The following RUFY4 variants were observed in gnomAD, a reference collection of about 807,000 sequenced individuals.
RUFY4 encodes RUN and FYVE domain-containing protein 4.
Under a neutral mutation model 69.0 loss-of-function variants are expected in RUFY4, and 73 were observed. That is an observed-to-expected ratio of 1.06 (90% CI 0.88 to 1.29). The LOEUF (loss-of-function observed/expected upper bound fraction) is 1.29. Among genes scored for constraint, RUFY4 ranks in the 50% most tolerant of loss-of-function variants. The pLI, the probability that RUFY4 is intolerant of heterozygous loss-of-function variation, is 0.00. For synonymous variants in RUFY4, 287 were observed against 271.8 expected (o/e 1.06, Z -0.55); for missense variants, 770 against 705.6 (o/e 1.09, Z -1.03).
rs566668060 is a variant in RUFY4 at position 218,038,151 on chromosome 2, TC to T, written c.-1158+2758del. On this transcript the variant is annotated intron_variant and NMD_transcript_variant, in intron 2 of 13. Transcript: ENST00000457754. ...GTCCAATGGTATGATCTTAAAGTTA[TC>T]AAAAACCTTTCCATGAAAGTTATCA... Among the ~76,000 whole-genome samples, 525 of 152,240 alleles carry T rather than the reference TC, an allele frequency of 3.4e-3. 1 individual carries two copies. Among genetic ancestry groups the T allele is most frequent in the African/African-American group, 0.012 (491 of 41,532 alleles).
At chr2:218,071,742 T>G (rs1263960508) in intron 2 of RUFY4, among the ~76,000 whole-genome samples, 4 of 152,196 alleles carry the variant, frequency 2.6e-5, no homozygotes, top group Non-Finnish European at 5.9e-5. Flanking sequence ...TTTGTTGTCT[T>G]AACTCCTTTA....
At chr2:218,068,392 G>A (rs1275876081), upstream of RUFY4, among the ~76,000 whole-genome samples, 1 of 152,008 alleles carries the variant, frequency 6.6e-6, no homozygotes, top group African/African-American at 2.4e-5. Flanking sequence ...GAAAGGGAAG[G>A]AATGAGGGAA....
chr2:218,090,649 C>T (rs1690011572), downstream of RUFY4: 1 of 153,542 alleles, frequency 6.5e-6, no homozygotes, highest in Non-Finnish European at 1.4e-5. Context: ...CTATCCACCC[C>T]AAAGTTTCCT....
chr2:218,064,812 C>A (rs1170474953), upstream of RUFY4, among the ~76,000 whole-genome samples: 3 of 152,128 alleles, frequency 2.0e-5, no homozygotes, highest in Non-Finnish European at 4.4e-5. Flanking sequence ...CATCCCACAA[C>A]CGCCTGCCTG....
At chr2:218,038,645 ATCTGACTCCCAGTGGC>A (rs1374763049) in intron 2 of RUFY4, among the ~76,000 whole-genome samples, 1 of 152,218 alleles carries the variant, frequency 6.6e-6, no homozygotes, top group Non-Finnish European at 1.5e-5. Flanking sequence ...AGTAACAAAA[ATCTGACTCCCAGTGGC>A]TTAAAAACAT....
At chr2:218,077,963 C>G (rs1228378598) in intron 8 of RUFY4, among the ~76,000 whole-genome samples, 3 of 152,180 alleles carry the variant, frequency 2.0e-5, no homozygotes, top group South Asian at 2.1e-4. Flanking sequence ...CCTGGCTGCT[C>G]CTTTTACTGG....
At position 218,052,177 on chromosome 2, in the gene RUFY4, T is replaced by G. The variant is rs747423820; in HGVS notation, c.-1157-6418T>G. ...AAGTGGTGACTGTCCCCTTCAACAT[T>G]TGTCAGTTCCTGTAGCTTTTTCTTT... On this transcript the variant is annotated intron_variant and NMD_transcript_variant, in intron 2 of 13. Coordinates refer to the RUFY4 transcript ENST00000457754. 9.4e-4 allele frequency among the ~76,000 whole-genome samples: 143 copies of G among 152,320 alleles called. 1 individual carries two copies. Among genetic ancestry groups the G allele is most frequent in the Non-Finnish European group, 3.4e-4 (23 of 68,034 alleles).
At position 218,058,415 on chromosome 2, in the gene RUFY4, C is replaced by T. The variant is rs114518141; in HGVS notation, c.-1157-180C>T. On this transcript the variant is annotated intron_variant and NMD_transcript_variant, in intron 2 of 13. Transcript: ENST00000457754. ...GGAAAGAAGGCATTATCAGTGCCTT[C>T]AAAAGCCCCAATGTGTTTCTCCCTT... is the stretch of plus-strand genomic sequence containing the variant. Among the ~76,000 whole-genome samples, 1,199 of 152,332 alleles carry T rather than the reference C, an allele frequency of 7.9e-3. 16 individuals carry two copies. Among genetic ancestry groups the T allele is most frequent in the African/African-American group, 0.027 (1,122 of 41,576 alleles).
At position 218,086,884 on chromosome 2, in the gene RUFY4, G is replaced by T. The variant is rs531387669; in HGVS notation, c.1503-2368G>T. Among the ~76,000 whole-genome samples, 5 of 152,140 alleles carry T rather than the reference G, an allele frequency of 3.3e-5. No homozygotes were observed. In the South Asian group the frequency reaches 1.0e-3, roughly 32 times the overall value. ...TCTGGAGAGAAAGGGAATCAAGAGAGCACCTGAAATGATGAAAAATTGGGA... is the reference window on the plus strand; with the variant it reads ...TCTGGAGAGAAAGGGAATCAAGAGATCACCTGAAATGATGAAAAATTGGGA... On this transcript the variant is annotated intron_variant, in intron 9 of 10. Transcript: ENST00000344321.
rs770353529 is a variant in RUFY4 at position 218,075,331 on chromosome 2, G to C, written c.839G>C (p.Arg280Thr). 1.8e-5 allele frequency: 29 copies of C among 1,610,816 alleles called. No homozygotes were observed. The Admixed American group carries it at 4.7e-4, about 26-fold the overall frequency. Residue 280 changes from arginine to threonine, a missense_variant, in exon 7 of 11, where the codon AGA (arginine) becomes ACA (threonine). Physicochemically the swap from Arg to Thr is moderately conservative, Grantham distance 71. Transcript: ENST00000344321. ...GAGCTTCAGCTAGACCAGGAGGAAA[G>C]AGCCCCATGGATTGAGATCTTCCTG...
chr2:218,089,740 T>C, intron 10 of RUFY4: 1 of 704,442 alleles, frequency 1.4e-6, no homozygotes, highest in South Asian at 1.5e-5. Context: ...GAAGCTGCCA[T>C]GTGGAGGTGG....
intron 9 of RUFY4, among the ~76,000 whole-genome samples, chr2:218,084,468 G>A (rs1689844908): frequency 6.6e-6 from 1 of 152,158 alleles, no homozygotes; most frequent in Non-Finnish European, 1.5e-5. Context: ...CTGACCACAA[G>A]CAATCCACCC....
chr2:218,060,658 G>T, intron 3 of RUFY4: 1 of 1,343,722 alleles, frequency 7.4e-7, no homozygotes, highest in Non-Finnish European at 1.1e-6. Context: ...GAGGACAACA[G>T]CAAAGATGAC....
rs749996206 is a variant in RUFY4, at chr2:218,060,478, G to A, written c.-1071+1797G>A. 7.5e-6 allele frequency: 10 copies of A among 1,340,488 alleles called. No homozygotes were observed. In the African/African-American group the frequency reaches 1.1e-4, roughly 15 times the overall value. The allele number at this position is 1,340,488 out of a possible 1,614,324, so 83.0% of individuals were successfully genotyped here. On this transcript the variant is annotated intron_variant and NMD_transcript_variant, in intron 3 of 13. Coordinates refer to the RUFY4 transcript ENST00000457754. The stretch of plus-strand genomic sequence containing the variant: ...ATGGCAAAACTTCTGGCCAATGAAG[G>A]CGTAGATGAGGGGATTGAGGTAGCT...
At chr2:218,056,420 C>G (rs1485052321) in intron 2 of RUFY4, among the ~76,000 whole-genome samples, 1 of 151,898 alleles carries the variant, frequency 6.6e-6, no homozygotes, top group Non-Finnish European at 1.5e-5. Context: ...AGCTTTTTTC[C>G]CCCACTTCTG....
At position 218,083,012 on chromosome 2, in the gene RUFY4, G is replaced by A. The variant is rs1246690315; in HGVS notation, c.1356-98G>A. On this transcript the variant is annotated intron_variant, in intron 8 of 10. Coordinates refer to ENST00000344321, the Ensembl canonical transcript of RUFY4. ...TTCAGCTGCCGGGGGCATCACCAGCGTCTCCCATGGGCTCCCTCTCTGGAA... is the reference window on the plus strand; with the variant it reads ...TTCAGCTGCCGGGGGCATCACCAGCATCTCCCATGGGCTCCCTCTCTGGAA... 29 of 1,326,980 alleles carry A rather than the reference G, an allele frequency of 2.2e-5. No homozygotes were observed. The Admixed American group carries it at 2.4e-4, about 11-fold the overall frequency. 82.2% of individuals were successfully genotyped at this position (1,326,980 alleles called of 1,614,324 possible). A position where few individuals can be genotyped will look rare whatever the true frequency, so the allele number is the denominator to read the frequency against.
rs1256843800 is a variant in RUFY4, at chr2:218,060,654, A to G, written c.-1071+1973A>G. ...GCCAGCAGAGCAGGAAAATGAGGAC[A>G]ACAGCAAAGATGACCCACATGGTCC... is the stretch of plus-strand genomic sequence containing the variant. On this transcript the variant is annotated intron_variant and NMD_transcript_variant, in intron 3 of 13. Coordinates refer to the RUFY4 transcript ENST00000457754. 4.5e-6 allele frequency: 6 copies of G among 1,346,974 alleles called. No individual in the cohort carries two copies. The South Asian group carries it at 4.7e-5, about 10-fold the overall frequency. 83.4% of individuals were successfully genotyped at this position (1,346,974 alleles called of 1,614,324 possible).
At chr2:218,046,581 A>C (rs924823985) in intron 2 of RUFY4, among the ~76,000 whole-genome samples, 25 of 152,212 alleles carry the variant, frequency 1.6e-4, no homozygotes, top group African/African-American at 6.0e-4. Context: ...AAAATCTTTC[A>C]GGAAGAAAAT....
intron 9 of RUFY4, among the ~76,000 whole-genome samples, chr2:218,087,517 T>G (rs959120006): frequency 6.6e-6 from 1 of 152,104 alleles, no homozygotes; most frequent in Non-Finnish European, 1.5e-5. Context: ...AATGAATACA[T>G]GAGTATATTC....
Sources: allele counts gnomAD v4.1 joint callset (sites outside exome capture counted in the v4.1 genomes callset), GRCh38; gene constraint gnomAD v4.1.1; transcripts MANE v1.5; gene names NCBI Gene and HGNC (gene_info 2026-07-23, HGNC 2026-07-21).